Variants in SLC2A2 observed in about 807,000 individuals in gnomAD.
SLC2A2 encodes the protein solute carrier family 2, facilitated glucose transporter member 2.
Under a neutral mutation model 54.5 loss-of-function variants are expected in SLC2A2, and 36 were observed. That is an observed-to-expected ratio of 0.66 (90% CI 0.51 to 0.87). SLC2A2 has a LOEUF of 0.87. Among genes scored for constraint, SLC2A2 ranks in the 40% least tolerant of loss-of-function variants. The probability of loss-of-function intolerance (pLI) is 0.00; values close to 1 mark genes in which losing one functional copy is unlikely to be tolerated. For synonymous variants in SLC2A2, 223 were observed against 219.1 expected (o/e 1.02, Z -0.16); for missense variants, 543 against 624.3 (o/e 0.87, Z 1.39).
chr3:171,007,259 T>G lies in SLC2A2; in HGVS notation c.501A>C (p.Leu167=). The change falls in exon 5 of 11, where the codon CTA becomes CTC. Residue 167 remains leucine (L), a synonymous_variant. Transcript: ENST00000314251. ...GRSISGLYCG[L]ISGLVPMYIG... is the part of the protein sequence containing the mutation. Reference sequence around the variant, plus strand: ...TATACATAGGAACCAGGCCTGAAATTAGCCCTGCATGAAACATAAACATAA... The same window carrying G: ...TATACATAGGAACCAGGCCTGAAATGAGCCCTGCATGAAACATAAACATAA... The G allele has an allele frequency of 6.3e-7, 1 of 1,584,648 alleles. No homozygotes were observed. The highest frequency in any genetic ancestry group is 8.7e-7 in the Non-Finnish European group (1 of 1,153,720).
chr3:171,009,801 C>T (rs550043913), intron 4 of SLC2A2, among the ~76,000 whole-genome samples, 157 bp downstream of exon 4: 3 of 152,048 alleles, frequency 2.0e-5, no homozygotes, highest in South Asian at 2.1e-4. Context: ...CCTCCCAACT[C>T]AGGATTTCAA....
Position 171,014,658 on chromosome 3 carries a change from A to T in SLC2A2, c.182T>A (p.Ile61Asn). The change falls in exon 3 of 11, where the codon ATC becomes AAC. Residue 61 changes from isoleucine to asparagine, a missense_variant. Physicochemically the swap from Ile to Asn is moderately radical, Grantham distance 149. Transcript: ENST00000314251. ...TGTGGGCAGTTCATCTGTACTGTTG[A>T]TAACATAGTTGTTGATAGCTTTTCG... is the stretch of plus-strand genomic sequence containing the variant. ...DDRKAINNYV[I>N]NSTDELPTIS... The T allele has an allele frequency of 6.2e-7, 1 of 1,614,076 alleles. No homozygotes were observed. The highest frequency in any genetic ancestry group is 8.5e-7 in the Non-Finnish European group (1 of 1,179,918).
chr3:171,005,095 ATTG>A (rs1400252185), intron 7 of SLC2A2, among the ~76,000 whole-genome samples, 187 bp downstream of exon 7: 6 of 152,152 alleles, frequency 3.9e-5, no homozygotes, highest in South Asian at 4.1e-4. Context: ...ACTTTAAAAA[ATTG>A]TTAAGTAATT....
chr3:171,002,653 G>A lies in SLC2A2; in HGVS notation c.991C>T (p.Gln331Ter). Residue 331 changes from glutamine to a stop codon, truncating the protein, a stop_gained, in exon 8 of 11, where the codon CAG (glutamine) becomes TAG (stop). Coordinates refer to ENST00000314251, the MANE Select transcript of SLC2A2 (RefSeq NM_000340.2). LOFTEE classifies it high-confidence loss of function. ...ACAGGTTTGCTGATACCAGCCGTCT[G>A]AAAAATGCTGGTTGAGTAGTAAAAA... is the stretch of plus-strand genomic sequence containing the variant. ...GIFYYSTSIF[Q>*]TAGISKPVYA... 6.2e-7 allele frequency: 1 copy of A among 1,608,316 alleles called. No individual in the cohort carries two copies. The highest frequency in any genetic ancestry group is 1.1e-5 in the South Asian group (1 of 90,320).
intron 2 of SLC2A2, among the ~76,000 whole-genome samples, 169 bp from the exon 3 acceptor site, chr3:171,014,900 A>G (rs1053858324): frequency 2.0e-5 from 3 of 152,206 alleles, no homozygotes; most frequent in African/African-American, 7.2e-5. Context: ...TATAAAAGAA[A>G]GGTTATAAAT....
At chr3:171,006,719 TG>T (rs1715621656) in intron 5 of SLC2A2, among the ~76,000 whole-genome samples, 1 of 152,040 alleles carries the variant, frequency 6.6e-6, no homozygotes, top group Admixed American at 6.6e-5. Context: ...CAGGAGTTCC[TG>T]TGGCAATCAC....
intron 3 of SLC2A2, among the ~76,000 whole-genome samples, chr3:171,011,610 C>A (rs1715884938): frequency 6.6e-6 from 1 of 152,102 alleles, no homozygotes; most frequent in East Asian, 1.9e-4. Flanking sequence ...GGGGATAATT[C>A]ATTACAGCAG....
Position 171,007,932 on chromosome 3 carries a change from G to A in SLC2A2, c.497-669C>T, listed in dbSNP as rs150696669. On this transcript the variant is annotated intron_variant, in intron 4 of 10. Transcript: ENST00000314251. ...AATTTTATTTGAAGAAAGACTTTTG[G>A]TACTTAAACGAATACAAAACATTGG... Among the ~76,000 whole-genome samples the A allele has an allele frequency of 3.5e-3, 531 of 152,138 alleles. 5 individuals carry two copies. The highest frequency in any genetic ancestry group is 0.012 in the African/African-American group (503 of 41,518).
chr3:171,022,184 T>C (rs1716494325), intron 1 of SLC2A2, among the ~76,000 whole-genome samples: 1 of 152,232 alleles, frequency 6.6e-6, no homozygotes, highest in Non-Finnish European at 1.5e-5. Context: ...ATCTCACAGT[T>C]AGTAAATTAA....
At chr3:171,001,923 T>G (rs1715353464) in intron 8 of SLC2A2, among the ~76,000 whole-genome samples, 1 of 145,360 alleles carries the variant, frequency 6.9e-6, no homozygotes, top group Admixed American at 6.9e-5. Flanking sequence ...AGTATATGAC[T>G]TTTTTTTTTG....
At chr3:171,009,574 C>T (rs1309042106) in intron 4 of SLC2A2, among the ~76,000 whole-genome samples, 8 of 152,092 alleles carry the variant, frequency 5.3e-5, no homozygotes, top group African/African-American at 1.9e-4. Context: ...CTAGCATTTA[C>T]TGGTAGCTTA....
chr3:171,025,342 A>AT (rs3081330), intron 1 of SLC2A2, among the ~76,000 whole-genome samples: 2 of 122,602 alleles, frequency 1.6e-5, no homozygotes, highest in Admixed American at 7.8e-5. Flanking sequence ...ATAATTTATA[A>AT]ATACTATTTA....
Position 170,999,176 on chromosome 3 carries a change from T to C in SLC2A2, c.1069-10A>G, listed in dbSNP as rs1487335649. 2 of 1,557,512 alleles carry C rather than the reference T, an allele frequency of 1.3e-6. No individual in the cohort carries two copies. The highest frequency in any genetic ancestry group is 3.3e-5 in the Admixed American group (2 of 59,824). On this transcript the variant is annotated splice_polypyrimidine_tract_variant and intron_variant, in intron 8 of 10. Coordinates refer to ENST00000314251, the MANE Select transcript of SLC2A2 (RefSeq NM_000340.2). ...TCTCCACAAGGAATACCTAGGACAA[T>C]TTTAAAGAAATTATCTCAGTTTTGT...
intron 7 of SLC2A2, 76 bp downstream of exon 7, chr3:171,005,209 T>G: frequency 8.1e-7 from 1 of 1,228,956 alleles, no homozygotes; most frequent in South Asian, 1.2e-5. Flanking sequence ...CTTTTAGCTA[T>G]TTAAACTTGT....
At chr3:171,004,589 G>T (rs1715497843) in intron 7 of SLC2A2, among the ~76,000 whole-genome samples, 1 of 138,828 alleles carries the variant, frequency 7.2e-6, no homozygotes, top group Non-Finnish European at 1.5e-5. Flanking sequence ...GGGAGAAGTG[G>T]TGTTTTTTTT....
At chr3:171,020,517 G>A (rs907818785) in intron 1 of SLC2A2, among the ~76,000 whole-genome samples, 8 of 152,056 alleles carry the variant, frequency 5.3e-5, no homozygotes, top group African/African-American at 1.7e-4. Context: ...AAAAGACATG[G>A]TTATATGATA....
rs781215842 is a variant in SLC2A2, at chr3:170,997,911, T to A, written c.1567A>T (p.Thr523Ser). The change falls in exon 11 of 11, where the codon ACT becomes TCT. Residue 523 changes from threonine to serine, a missense_variant. By Grantham distance (58) the Thr-to-Ser change is moderately conservative. Around this residue, in one of 3 missense-constraint regions of SLC2A2, gnomAD observed 108 missense variants for 101.3 expected, o/e 1.07. Coordinates refer to ENST00000314251, the MANE Select transcript of SLC2A2 (RefSeq NM_000340.2). ...VEMKFLGATE[T>S]V ...AAAGCAGGGTTTTTTTTTTACACAGTCTCTGTAGCTCCTAGGAATTTCATT... is the reference window on the plus strand; with the variant it reads ...AAAGCAGGGTTTTTTTTTTACACAGACTCTGTAGCTCCTAGGAATTTCATT... 5.6e-6 allele frequency: 9 copies of A among 1,612,254 alleles called. No homozygotes were observed. Among genetic ancestry groups the A allele is most frequent in the African/African-American group, 5.3e-5 (4 of 74,780 alleles).
chr3:171,021,779 G>T (rs760434255), intron 1 of SLC2A2, among the ~76,000 whole-genome samples: 1 of 152,138 alleles, frequency 6.6e-6, no homozygotes, highest in Non-Finnish European at 1.5e-5. Flanking sequence ...CTGTCGTTTT[G>T]CCCTGGTTAT....
intron 4 of SLC2A2, 83 bp from the exon 5 acceptor site, chr3:171,007,346 C>A (rs1715663038): frequency 2.5e-6 from 2 of 809,860 alleles, no homozygotes; most frequent in Non-Finnish European, 4.2e-6. Flanking sequence ...CAGTATATAT[C>A]TTGAATGAAA....
Sources: allele counts gnomAD v4.1 joint callset (sites outside exome capture counted in the v4.1 genomes callset), GRCh38; gene constraint gnomAD v4.1.1; regional missense constraint gnomAD v4.1.1; transcripts MANE v1.5; gene names NCBI Gene and HGNC (gene_info 2026-07-23, HGNC 2026-07-21).